The following SCD5 variants were observed in gnomAD, a reference collection of about 807,000 sequenced individuals.
SCD5 encodes the protein acyl-CoA-desaturase 4.
A neutral mutation model predicts 30.4 loss-of-function variants in SCD5; 20 were observed. That is an observed-to-expected ratio of 0.66 (90% CI 0.46 to 0.96). SCD5 has a LOEUF of 0.96. Ranked by LOEUF, SCD5 falls within the 40% of genes least tolerant of loss-of-function variation. The pLI is 0.00. For missense variants in SCD5, 381 were observed against 443.3 expected (o/e 0.86, Z 1.26); for synonymous variants, 173 against 176.4 (o/e 0.98, Z 0.16).
intron 2 of SCD5, among the ~76,000 whole-genome samples, chr4:82,696,600 A>G (rs2148825391): frequency 6.6e-6 from 1 of 152,346 alleles, no homozygotes; most frequent in South Asian, 2.1e-4. Flanking sequence ...GAGGAATAAC[A>G]CAGATGGATC....
intron 1 of SCD5, among the ~76,000 whole-genome samples, chr4:82,764,414 C>T (rs1390996777): frequency 3.3e-5 from 5 of 152,116 alleles, no homozygotes; most frequent in Non-Finnish European, 7.4e-5. Context: ...TATCTTCATC[C>T]TTTTCTGCTT....
intron 3 of SCD5, among the ~76,000 whole-genome samples, chr4:82,663,201 C>T (rs1247684056): frequency 2.0e-5 from 3 of 152,168 alleles, no homozygotes; most frequent in African/African-American, 7.2e-5. Flanking sequence ...AGAGACAGTA[C>T]ACATGAATAT....
chr4:82,725,536 A>G (rs142316497), intron 1 of SCD5, among the ~76,000 whole-genome samples: 384 of 150,560 alleles, frequency 2.6e-3, no homozygotes, highest in African/African-American at 9.1e-3. Context: ...TAGCTCACCC[A>G]TGGACATTCT....
At chr4:82,795,581 G>A (rs1254335840) in intron 1 of SCD5, among the ~76,000 whole-genome samples, 1 of 152,028 alleles carries the variant, frequency 6.6e-6, no homozygotes, top group African/African-American at 2.4e-5. Context: ...TGTAATCCCA[G>A]TACTTTGGGA....
intron 3 of SCD5, among the ~76,000 whole-genome samples, chr4:82,667,299 C>CGCAT (rs1202895440): frequency 6.6e-6 from 1 of 152,118 alleles, no homozygotes; most frequent in Non-Finnish European, 1.5e-5. Context: ...CACGCACGCA[C>CGCAT]GCATGCAAAT....
At chr4:82,750,727 G>A (rs553893814) in intron 1 of SCD5, among the ~76,000 whole-genome samples, 2 of 152,248 alleles carry the variant, frequency 1.3e-5, no homozygotes, top group Admixed American at 6.5e-5. Flanking sequence ...AAGCTCTGAC[G>A]AAACGGTCTG....
At chr4:82,771,608 A>G (rs1721624252) in intron 1 of SCD5, among the ~76,000 whole-genome samples, 1 of 151,858 alleles carries the variant, frequency 6.6e-6, no homozygotes, top group Non-Finnish European at 1.5e-5. Context: ...CAGTTTGGGG[A>G]GGCTGGGGAG....
chr4:82,749,945 G>C (rs750723178), intron 1 of SCD5, among the ~76,000 whole-genome samples: 8 of 152,166 alleles, frequency 5.3e-5, no homozygotes, highest in Non-Finnish European at 1.2e-4. Context: ...GCTAAGGGTA[G>C]GAACTCTGGA....
intron 1 of SCD5, among the ~76,000 whole-genome samples, chr4:82,780,883 G>A (rs1313709344): frequency 2.0e-5 from 3 of 152,250 alleles, no homozygotes; most frequent in Non-Finnish European, 2.9e-5. Flanking sequence ...GGGGAGGTCC[G>A]GGCACAGGGC....
intron 1 of SCD5, among the ~76,000 whole-genome samples, chr4:82,787,161 C>CA (rs1489760065): frequency 6.6e-6 from 1 of 152,180 alleles, no homozygotes; most frequent in Non-Finnish European, 1.5e-5. Context: ...GGCAAGAGAA[C>CA]AGAAATCCTG....
chr4:82,728,335 T>C (rs1417580997), intron 1 of SCD5, among the ~76,000 whole-genome samples: 1 of 152,060 alleles, frequency 6.6e-6, no homozygotes, highest in Admixed American at 6.6e-5. Context: ...AAAGCAAAGA[T>C]GATAATAGCC....
At chr4:82,690,031 G>C (rs1421084112) in intron 2 of SCD5, among the ~76,000 whole-genome samples, 1 of 152,142 alleles carries the variant, frequency 6.6e-6, no homozygotes, top group Non-Finnish European at 1.5e-5. Flanking sequence ...AACTATTCCA[G>C]ATGAATGGAA....
chr4:82,674,985 CA>C (rs1209695302), intron 3 of SCD5, among the ~76,000 whole-genome samples: 2 of 152,066 alleles, frequency 1.3e-5, no homozygotes, highest in African/African-American at 4.8e-5. Context: ...GAGCGATGAA[CA>C]GACAGAGAAC....
intron 1 of SCD5, among the ~76,000 whole-genome samples, chr4:82,759,296 G>A (rs1384752181): frequency 6.6e-6 from 1 of 152,190 alleles, no homozygotes; most frequent in Non-Finnish European, 1.5e-5. Context: ...GAGGAAGGCC[G>A]TCTTTTTCCC....
At chr4:82,720,452 A>T (rs867838304) in intron 1 of SCD5, among the ~76,000 whole-genome samples, 19 of 150,478 alleles carry the variant, frequency 1.3e-4, no homozygotes, top group South Asian at 6.3e-4. Context: ...AAAAAAAAAA[A>T]AAAAAAAAAA....
At chr4:82,680,435 A>T (rs1728543391) in intron 3 of SCD5, among the ~76,000 whole-genome samples, 1 of 152,240 alleles carries the variant, frequency 6.6e-6, no homozygotes, top group Non-Finnish European at 1.5e-5. Flanking sequence ...GATTCCATGA[A>T]ATCAGCCATG....
At chr4:82,653,942 G>T (rs1384414540) in intron 3 of SCD5, among the ~76,000 whole-genome samples, 1 of 151,128 alleles carries the variant, frequency 6.6e-6, no homozygotes, top group Non-Finnish European at 1.5e-5. Flanking sequence ...TAATCAAACG[G>T]AGTCCTGCTC....
intron 1 of SCD5, among the ~76,000 whole-genome samples, chr4:82,711,488 T>C (rs1277309776): frequency 2.0e-5 from 3 of 152,024 alleles, no homozygotes; most frequent in Non-Finnish European, 4.4e-5. Context: ...CCAAGGCAGG[T>C]GGATTACCTG....
intron 1 of SCD5, among the ~76,000 whole-genome samples, chr4:82,732,884 C>T (rs1384546929): frequency 6.6e-6 from 1 of 152,086 alleles, no homozygotes; most frequent in South Asian, 2.1e-4. Context: ...AAGTGTGATT[C>T]CCAGGCAGGA....
Sources: allele counts gnomAD v4.1 joint callset (sites outside exome capture counted in the v4.1 genomes callset), GRCh38; gene constraint gnomAD v4.1.1; transcripts MANE v1.5; gene names NCBI Gene and HGNC (gene_info 2026-07-23, HGNC 2026-07-21).